C10orf90: variants seen among roughly 807,000 people sequenced by gnomAD.
The protein encoded by C10orf90 is (E2-independent) E3 ubiquitin-conjugating enzyme FATS.
In C10orf90, 56 loss-of-function variants were observed where a neutral mutation model predicts 62.5. That is an observed-to-expected ratio of 0.90 (90% CI 0.72 to 1.12). The LOEUF (loss-of-function observed/expected upper bound fraction) is 1.12. Ranked by LOEUF, C10orf90 falls within the 50% of genes most tolerant of loss-of-function variation. The pLI, the probability that C10orf90 is intolerant of heterozygous loss-of-function variation, is 0.00. For synonymous variants in C10orf90, 386 were observed against 340.4 expected (o/e 1.13, Z -1.47); for missense variants, 970 against 880.4 (o/e 1.10, Z -1.29).
At chr10:126,454,738 G>C (rs1228225948) in intron 7 of C10orf90, among the ~76,000 whole-genome samples, 1 of 152,110 alleles carries the variant, frequency 6.6e-6, no homozygotes, top group Admixed American at 6.5e-5. Context: ...CTGTAAGGCA[G>C]AGCAATGACA....
chr10:126,659,404 T>C (rs1846463560), intron 1 of C10orf90, among the ~76,000 whole-genome samples: 1 of 152,228 alleles, frequency 6.6e-6, no homozygotes, highest in South Asian at 2.1e-4. Flanking sequence ...CACTTGCCCC[T>C]GGCTGCTGGC....
chr10:126,513,223 G>A (rs1367882335), intron 3 of C10orf90, among the ~76,000 whole-genome samples: 1 of 152,214 alleles, frequency 6.6e-6, no homozygotes, highest in Non-Finnish European at 1.5e-5. Context: ...AAGCTCCAGA[G>A]CCAGGCAGGT....
At chr10:126,634,776 A>C (rs558184681) in intron 2 of C10orf90, among the ~76,000 whole-genome samples, 1 of 152,358 alleles carries the variant, frequency 6.6e-6, no homozygotes, top group South Asian at 2.1e-4. Context: ...TAAGTTGTTC[A>C]TGGTCACAGC....
chr10:126,640,737 T>C (rs537569997), intron 2 of C10orf90, among the ~76,000 whole-genome samples: 2 of 152,258 alleles, frequency 1.3e-5, no homozygotes, highest in African/African-American at 4.8e-5. Flanking sequence ...AGGAGAGAGA[T>C]AGGCAAGGGC....
chr10:126,523,466 G>A (rs1422912877), intron 2 of C10orf90: 1 of 107,536 alleles, frequency 9.3e-6, no homozygotes, highest in Non-Finnish European at 1.8e-5. Flanking sequence ...TCCCTGTCTT[G>A]GAAGAACTCA....
At chr10:126,513,583 CTCTT>C (rs781176581) in intron 3 of C10orf90, among the ~76,000 whole-genome samples, 1 of 152,210 alleles carries the variant, frequency 6.6e-6, no homozygotes, top group East Asian at 1.9e-4. Flanking sequence ...AATTCTCCCT[CTCTT>C]TCTATGTCTC....
At chr10:126,655,539 G>C (rs957836913) in intron 1 of C10orf90, among the ~76,000 whole-genome samples, 1 of 152,146 alleles carries the variant, frequency 6.6e-6, no homozygotes, top group East Asian at 1.9e-4. Flanking sequence ...GTACAATAAA[G>C]TAAAGTGCAA....
chr10:126,623,572 T>C (rs2133819058), intron 2 of C10orf90, among the ~76,000 whole-genome samples: 2 of 152,216 alleles, frequency 1.3e-5, no homozygotes, highest in South Asian at 4.1e-4. Context: ...CTGGGCATAG[T>C]GACTCATGCC....
chr10:126,477,060 A>G (rs1437565107), intron 4 of C10orf90, among the ~76,000 whole-genome samples: 1 of 132,968 alleles, frequency 7.5e-6, no homozygotes, highest in African/African-American at 2.8e-5. Flanking sequence ...CAGGTGCCCA[A>G]CATCACGCCT....
In C10orf90 at chr10:126,486,021, A is replaced by C. The variant is rs1034329775; in HGVS notation, c.1534+17936T>G. Among the ~76,000 whole-genome samples, 113 of 152,198 alleles carry C rather than the reference A, an allele frequency of 7.4e-4. 1 individual carries two copies. The highest frequency in any genetic ancestry group is 7.3e-3 in the Admixed American group (111 of 15,288). On this transcript the variant is annotated intron_variant, in intron 4 of 9. Transcript: ENST00000488181. ...ATATGGCTCAGCTGGCAAGAATGTA[A>C]GGAAATACTTCGGAGGCCAAGAAGA...
intron 5 of C10orf90, among the ~76,000 whole-genome samples, chr10:126,464,215 C>T (rs1437789135): frequency 6.6e-6 from 1 of 152,120 alleles, no homozygotes; most frequent in East Asian, 1.9e-4. Flanking sequence ...CTGTGGGAGG[C>T]TGAGTTTGGG....
chr10:126,666,185 C>T (rs1407342315), intron 1 of C10orf90, among the ~76,000 whole-genome samples: 1 of 152,164 alleles, frequency 6.6e-6, no homozygotes, highest in African/African-American at 2.4e-5. Context: ...ATATTAGCTG[C>T]ATCTCTGGCC....
intron 4 of C10orf90, among the ~76,000 whole-genome samples, chr10:126,471,942 C>CACAT (rs56142826): frequency 0.13 from 19,606 of 151,808 alleles, 1,282 homozygotes; most frequent in East Asian, 0.18. Flanking sequence ...CACACACACA[C>CACAT]GTGCACACAC....
intron 2 of C10orf90, among the ~76,000 whole-genome samples, chr10:126,572,760 A>G (rs1844532645): frequency 6.6e-6 from 1 of 151,992 alleles, no homozygotes; most frequent in Non-Finnish European, 1.5e-5. Context: ...TTTCAGCCTC[A>G]TTTTACCCAG....
At chr10:126,535,822 A>G (rs886960569) in intron 2 of C10orf90, among the ~76,000 whole-genome samples, 2 of 152,074 alleles carry the variant, frequency 1.3e-5, no homozygotes, top group African/African-American at 4.8e-5. Context: ...AAAACCCCCT[A>G]TGAAGCAGAG....
At chr10:126,656,667 G>T (rs980751153) in intron 1 of C10orf90, among the ~76,000 whole-genome samples, 3 of 152,192 alleles carry the variant, frequency 2.0e-5, no homozygotes, top group Non-Finnish European at 4.4e-5. Context: ...GAGAGCAGAC[G>T]GGCGGCTGCC....
At chr10:126,503,919 AC>A in intron 4 of C10orf90, 37 bp downstream of exon 4, 1 of 1,566,064 alleles carries the variant, frequency 6.4e-7, no homozygotes, top group Non-Finnish European at 8.6e-7. Flanking sequence ...TAGGACATTT[AC>A]TCAGGTCACC....
In C10orf90 at chr10:126,621,443, A is replaced by G. The variant is rs573027438; in HGVS notation, c.313+25122T>C. 3.9e-5 allele frequency among the ~76,000 whole-genome samples: 6 copies of G among 152,354 alleles called. 1 individual carries two copies. Among genetic ancestry groups the G allele is most frequent in the Middle Eastern group, 3.4e-3 (1 of 294 alleles). The stretch of plus-strand genomic sequence containing the variant: ...CTTGTGACCCTTCATGTCAGGAACA[A>G]TGTGGAATTTCTCTTCATATCGTTG... On this transcript the variant is annotated intron_variant, in intron 2 of 9. Coordinates refer to ENST00000488181, the MANE Select transcript of C10orf90 (RefSeq NM_001350921.2).
chr10:126,492,473 C>G (rs947263427), intron 4 of C10orf90, among the ~76,000 whole-genome samples: 5 of 152,238 alleles, frequency 3.3e-5, no homozygotes, highest in Non-Finnish European at 7.3e-5. Flanking sequence ...ATGCTTTCTA[C>G]TATCTCTGTA....
Sources: gnomAD v4.1 joint callset for allele counts (sites outside exome capture counted in the v4.1 genomes callset) on GRCh38, gnomAD v4.1.1 for gene constraint, MANE v1.5 for transcripts, NCBI Gene and HGNC (gene_info 2026-07-23, HGNC 2026-07-21) for gene names.